Variants in RPS6KL1 observed in about 807,000 individuals in gnomAD.
The protein encoded by RPS6KL1 is ribosomal protein S6 kinase like 1.
In RPS6KL1, 41 loss-of-function variants were observed where a neutral mutation model predicts 57.0. The ratio of observed to expected loss-of-function variants is 0.72; its 90% CI spans 0.56 to 0.93. RPS6KL1 has a LOEUF of 0.93. Among genes scored for constraint, RPS6KL1 ranks in the 40% least tolerant of loss-of-function variants. RPS6KL1 has a pLI of 0.00. For synonymous variants in RPS6KL1, 287 were observed against 309.7 expected (o/e 0.93, Z 0.77); for missense variants, 697 against 727.7 (o/e 0.96, Z 0.49).
intron 8 of RPS6KL1, 114 bp downstream of exon 8, chr14:74,909,429 C>T (rs1885508511): frequency 1.4e-6 from 2 of 1,383,676 alleles, no homozygotes; most frequent in Non-Finnish European, 1.9e-6. Context: ...GAAAGGCTGG[C>T]TGGGGCCAGG....
rs1208912772 is a variant in RPS6KL1 at position 74,905,783 on chromosome 14, C to T, written c.*1231G>A. ...GAAGAGCCCGAGGAAGTCAAGTCTC[C>T]CCACCATGAGTGAGGGGTCTGGTCT... is the stretch of plus-strand genomic sequence containing the variant. On this transcript the variant is annotated 3_prime_UTR_variant, in exon 12 of 12. Coordinates refer to ENST00000557413, the MANE Select transcript of RPS6KL1 (RefSeq NM_031464.5). The T allele has an allele frequency of 6.6e-6, 1 of 152,328 alleles. No individual in the cohort carries two copies. Among genetic ancestry groups the T allele is most frequent in the African/African-American group, 2.4e-5 (1 of 41,428 alleles). The allele number at this position is 152,328 out of a possible 1,614,324, so 9.4% of individuals were successfully genotyped here.
At position 74,909,933 on chromosome 14, in the gene RPS6KL1, G is replaced by C; in HGVS notation, c.880C>G (p.Pro294Ala). 1 of 1,614,136 alleles carries C rather than the reference G, an allele frequency of 6.2e-7. No individual in the cohort carries two copies. Among genetic ancestry groups the C allele is most frequent in the Non-Finnish European group, 8.5e-7 (1 of 1,179,998 alleles). The change falls in exon 8 of 12, where the codon CCA becomes GCA. Residue 294 changes from proline to alanine, a missense_variant. Transcript: ENST00000557413. ...SPNLLLAGEA[P>A]STRPQREAEG... is the part of the protein sequence containing the mutation. ...GCCTCCCTCTGGGGTCTGGTGGATG[G>C]GGCCTCCCCAGCTAGGAGAAGGTTC...
chr14:74,921,442 G>T lies in RPS6KL1; in HGVS notation c.100C>A (p.Arg34Ser), dbSNP rs200840209. 39 of 1,614,252 alleles carry T rather than the reference G, an allele frequency of 2.4e-5. No individual in the cohort carries two copies. The African/African-American group carries it at 4.8e-4, about 20-fold the overall frequency. Residue 34 changes from arginine (R) to serine (S), a missense_variant, in exon 3 of 12, where the codon CGC (arginine) becomes AGC (serine). By Grantham distance (110) the Arg-to-Ser change is moderately radical. Coordinates refer to ENST00000557413, the MANE Select transcript of RPS6KL1 (RefSeq NM_031464.5). ...SQAHVYLEQI[R>S]NRVALGVPDM... Reference sequence around the variant, plus strand: ...GGCACTCCCAGAGCCACCCTGTTGCGAATCTGCTCCAGGTACACGTGAGCT... The same window carrying T: ...GGCACTCCCAGAGCCACCCTGTTGCTAATCTGCTCCAGGTACACGTGAGCT...
intron 10 of RPS6KL1, among the ~76,000 whole-genome samples, chr14:74,907,770 G>C (rs1044778839): frequency 6.6e-6 from 1 of 152,222 alleles, no homozygotes. Flanking sequence ...TTGAACCTAG[G>C]TCTCTTGGCT....
intron 2 of RPS6KL1, 110 bp downstream of exon 2, chr14:74,921,868 C>T (rs1887918585): frequency 2.0e-6 from 1 of 494,764 alleles, no homozygotes; most frequent in South Asian, 3.9e-5. Flanking sequence ...ACCTCCACTT[C>T]CCAGGTTCAA....
chr14:74,918,684 G>T, intron 4 of RPS6KL1, 79 bp from the exon 5 acceptor site: 2 of 1,109,094 alleles, frequency 1.8e-6, no homozygotes, highest in Non-Finnish European at 2.6e-6. Context: ...CAGGCATCAG[G>T]CAGGGGCTTC....
At chr14:74,908,963 C>T in intron 9 of RPS6KL1, 31 bp from the exon 10 acceptor site, 1 of 1,601,882 alleles carries the variant, frequency 6.2e-7, no homozygotes, top group Non-Finnish European at 8.5e-7. Context: ...GTGTCCCAGC[C>T]TCACCTAAGA....
intron 6 of RPS6KL1, 128 bp downstream of exon 6, chr14:74,911,666 C>T: frequency 1.1e-6 from 1 of 895,624 alleles, no homozygotes; most frequent in South Asian, 1.6e-5. Context: ...GGGGCATGTT[C>T]AGGCAGAACA....
intron 11 of RPS6KL1, 117 bp from the exon 12 acceptor site, chr14:74,907,241 A>C: frequency 1.5e-6 from 2 of 1,376,816 alleles, no homozygotes; most frequent in Non-Finnish European, 2.0e-6. Context: ...CCTGGCCCAC[A>C]GAACCCCCAT....
At chr14:74,919,384 A>C (rs1887407189) in intron 4 of RPS6KL1, among the ~76,000 whole-genome samples, 1 of 152,244 alleles carries the variant, frequency 6.6e-6, no homozygotes, top group Admixed American at 6.5e-5. Flanking sequence ...TTACTGGTTT[A>C]GAGAAAGCCA....
chr14:74,920,801 C>T (rs545021758), intron 3 of RPS6KL1, among the ~76,000 whole-genome samples: 7 of 152,198 alleles, frequency 4.6e-5, no homozygotes, highest in South Asian at 2.1e-4. Context: ...AGTCTCCCCC[C>T]ACTAGAATGC....
intron 4 of RPS6KL1, among the ~76,000 whole-genome samples, chr14:74,919,599 G>A (rs1887454733): frequency 6.6e-6 from 1 of 152,244 alleles, no homozygotes; most frequent in South Asian, 2.1e-4. Context: ...CTCTGTGAGG[G>A]AGGCAGACGA....
Position 74,909,108 on chromosome 14 carries a change from G to A in RPS6KL1, c.1353C>T (p.Ser451=), listed in dbSNP as rs202044227. ...GGCCTCCCCCCTTCTTGCCTGGGGC[G>A]CTGTAGAGATTGTCCACGGCCTCCC... ...CCGEAVDNLY[S]APEVGGISEL... Residue 451 remains serine (S), a synonymous_variant, in exon 9 of 12, where the codon AGC becomes AGT. Transcript: ENST00000557413. 2.1e-5 allele frequency: 34 copies of A among 1,614,088 alleles called. No individual in the cohort carries two copies. In the East Asian group the frequency reaches 3.6e-4, roughly 17 times the overall value.
rs1884608160 is a variant in RPS6KL1 at position 74,905,377 on chromosome 14, G to A, written c.*1637C>T. ...CAGGAGCTACCGTCTGTTGCAAGGG[G>A]TCACTGTGAGGATGAAACTGGTATT... On this transcript the variant is annotated 3_prime_UTR_variant, in exon 12 of 12. Coordinates refer to ENST00000557413, the MANE Select transcript of RPS6KL1 (RefSeq NM_031464.5). 1 of 131,962 alleles carries A rather than the reference G, an allele frequency of 7.6e-6. No homozygotes were observed. Among genetic ancestry groups the A allele is most frequent in the Admixed American group, 7.2e-5 (1 of 13,844 alleles). The allele number at this position is 131,962 out of a possible 1,614,324, so 8.2% of individuals were successfully genotyped here. A position where few individuals can be genotyped will look rare whatever the true frequency, so the allele number is the denominator to read the frequency against.
intron 5 of RPS6KL1, among the ~76,000 whole-genome samples, chr14:74,915,087 C>T (rs1264778100): frequency 6.6e-6 from 1 of 152,226 alleles, no homozygotes; most frequent in African/African-American, 2.4e-5. Context: ...AATTGAACTT[C>T]TTATCATGAT....
intron 5 of RPS6KL1, 54 bp from the exon 6 acceptor site, chr14:74,911,895 G>A (rs926241282): frequency 8.7e-6 from 13 of 1,495,744 alleles, no homozygotes; most frequent in East Asian, 4.9e-5. Context: ...CTGGGGCTCC[G>A]TGACCCCAGC....
intron 5 of RPS6KL1, among the ~76,000 whole-genome samples, chr14:74,916,144 G>A (rs1361266472): frequency 6.6e-6 from 1 of 152,220 alleles, no homozygotes; most frequent in Non-Finnish European, 1.5e-5. Context: ...GTTGCTGCTG[G>A]CTGGCACTGC....
chr14:74,911,151 C>T (rs773343473), intron 7 of RPS6KL1, 97 bp downstream of exon 7: 44 of 1,230,814 alleles, frequency 3.6e-5, no homozygotes, highest in African/African-American at 5.9e-5. Flanking sequence ...GGATTACAGG[C>T]GTGAGCCACC....
chr14:74,916,102 G>A (rs1886799043), intron 5 of RPS6KL1, among the ~76,000 whole-genome samples: 1 of 152,214 alleles, frequency 6.6e-6, no homozygotes, highest in African/African-American at 2.4e-5. Context: ...ATCATCCCGA[G>A]CAAGCCCTTT....
Sources: allele counts gnomAD v4.1 joint callset (sites outside exome capture counted in the v4.1 genomes callset), GRCh38; gene constraint gnomAD v4.1.1; transcripts MANE v1.5; gene names NCBI Gene and HGNC (gene_info 2026-07-23, HGNC 2026-07-21).